Variants in ADAM23 observed in about 807,000 individuals in gnomAD.
ADAM23 encodes ADAM metallopeptidase domain 23.
Under a neutral mutation model 120.1 loss-of-function variants are expected in ADAM23, and 33 were observed. That is an observed-to-expected ratio of 0.27 (90% CI 0.21 to 0.37). ADAM23 has a LOEUF of 0.37. ADAM23 is among the 10% of genes least tolerant of loss of function. The pLI is 1.00. For synonymous variants in ADAM23, 367 were observed against 375.2 expected, an observed-to-expected ratio of 0.98 and a Z score of 0.25; for missense variants, 862 against 1,058.2, an observed-to-expected ratio of 0.81 and a Z score of 2.57.
intron 18 of ADAM23, among the ~76,000 whole-genome samples, chr2:206,577,098 C>T (rs1209251896): frequency 2.0e-5 from 3 of 152,092 alleles, no homozygotes; most frequent in Non-Finnish European, 4.4e-5. Flanking sequence ...TATGGTTTTC[C>T]TGTTTTAAAT....
chr2:206,524,843 A>G (rs1241517246), intron 3 of ADAM23, among the ~76,000 whole-genome samples: 1 of 152,214 alleles, frequency 6.6e-6, no homozygotes, highest in Admixed American at 6.5e-5. Context: ...GCCAAACTGT[A>G]TCAGTGGCCA....
intron 24 of ADAM23, among the ~76,000 whole-genome samples, chr2:206,599,976 C>T (rs996896892): frequency 1.4e-4 from 22 of 152,198 alleles, no homozygotes; most frequent in East Asian, 5.8e-4. Context: ...CCAAGGCGGG[C>T]GGATCACAAG....
chr2:206,522,245 CT>C (rs1351307105), intron 3 of ADAM23, among the ~76,000 whole-genome samples: 2 of 151,826 alleles, frequency 1.3e-5, no homozygotes, highest in African/African-American at 2.4e-5. Context: ...ACTTTTCCCC[CT>C]AGATTATTTT....
chr2:206,464,313 G>A (rs1474614933), intron 2 of ADAM23, among the ~76,000 whole-genome samples: 4 of 152,116 alleles, frequency 2.6e-5, no homozygotes, highest in East Asian at 3.9e-4. Flanking sequence ...GGTGGCTGAC[G>A]CCTGTAATCC....
At chr2:206,477,880 TAAAAA>T (rs71034456) in intron 2 of ADAM23, among the ~76,000 whole-genome samples, 30 of 109,154 alleles carry the variant, frequency 2.7e-4, no homozygotes, top group South Asian at 5.8e-4. Flanking sequence ...AATATTCTGT[TAAAAA>T]AAAAAAAAAA....
At position 206,592,804 on chromosome 2, in the gene ADAM23, A is replaced by G. The variant is rs966764098; in HGVS notation, c.2078+68A>G. Reference sequence around the variant, plus strand: ...TACAAATTTCACAAAATGAAATTTCAAAAAAATCAGAAATCAAAGATTTTT... The same window carrying G: ...TACAAATTTCACAAAATGAAATTTCGAAAAAATCAGAAATCAAAGATTTTT... On this transcript the variant is annotated intron_variant, in intron 22 of 25. Transcript: ENST00000264377. 5.3e-6 allele frequency: 8 copies of G among 1,520,692 alleles called. No individual in the cohort carries two copies. The Admixed American group carries it at 1.7e-4, about 32-fold the overall frequency. The allele number at this position is 1,520,692 out of a possible 1,614,324, so 94.2% of individuals were successfully genotyped here.
intron 2 of ADAM23, among the ~76,000 whole-genome samples, chr2:206,462,022 G>A (rs1007320926): frequency 6.6e-6 from 1 of 152,186 alleles, no homozygotes; most frequent in East Asian, 1.9e-4. Context: ...GCTGTTGGGG[G>A]GATCACACTG....
At chr2:206,552,122 T>C (rs536840272) in intron 9 of ADAM23, among the ~76,000 whole-genome samples, 1 of 152,328 alleles carries the variant, frequency 6.6e-6, no homozygotes, top group South Asian at 2.1e-4. Flanking sequence ...TGTGAAATTA[T>C]GGCTTTTGAA....
intron 2 of ADAM23, among the ~76,000 whole-genome samples, chr2:206,463,244 G>T (rs1437121833): frequency 1.3e-5 from 2 of 152,162 alleles, no homozygotes; most frequent in South Asian, 2.1e-4. Flanking sequence ...GGATTATCTG[G>T]GTGGGCCCAG....
chr2:206,513,452 C>G (rs928351998), intron 3 of ADAM23, among the ~76,000 whole-genome samples: 1 of 152,114 alleles, frequency 6.6e-6, no homozygotes, highest in Admixed American at 6.6e-5. Context: ...TATCTCCCCT[C>G]AATTTTATGA....
chr2:206,467,638 G>GT (rs1337374201), intron 2 of ADAM23, among the ~76,000 whole-genome samples: 2 of 152,180 alleles, frequency 1.3e-5, no homozygotes. Flanking sequence ...GCAAGCTGCT[G>GT]GTGGATGTAC....
intron 18 of ADAM23, among the ~76,000 whole-genome samples, chr2:206,573,428 A>G (rs935321350): frequency 6.6e-6 from 1 of 152,172 alleles, no homozygotes; most frequent in African/African-American, 2.4e-5. Context: ...GTAATATTTT[A>G]AGTAATTTTG....
chr2:206,536,952 C>T (rs1320194079), intron 4 of ADAM23, among the ~76,000 whole-genome samples: 1 of 151,938 alleles, frequency 6.6e-6, no homozygotes, highest in Non-Finnish European at 1.5e-5. Context: ...GTGATCCACC[C>T]ACCTCAGCCT....
chr2:206,480,493 A>G (rs2105877393), intron 2 of ADAM23, among the ~76,000 whole-genome samples: 1 of 151,538 alleles, frequency 6.6e-6, no homozygotes, highest in African/African-American at 2.4e-5. Context: ...AGTGTGACAA[A>G]GGAGAGTTTT....
intron 24 of ADAM23, among the ~76,000 whole-genome samples, chr2:206,607,504 A>G (rs532432027): frequency 1.3e-5 from 2 of 152,322 alleles, no homozygotes; most frequent in African/African-American, 4.8e-5. Context: ...AATTTTAATA[A>G]TCCTTCCTTG....
chr2:206,490,724 T>C (rs1406565711), intron 3 of ADAM23, among the ~76,000 whole-genome samples: 1 of 152,184 alleles, frequency 6.6e-6, no homozygotes, highest in African/African-American at 2.4e-5. Flanking sequence ...CACCCTTTCC[T>C]GTCTGCTTCT....
intron 2 of ADAM23, among the ~76,000 whole-genome samples, chr2:206,465,832 G>A (rs1695532123): frequency 6.6e-6 from 1 of 152,138 alleles, no homozygotes. Context: ...ATGTAGGAAT[G>A]AAGTGATTTA....
rs1162297985 is a variant in ADAM23 at position 206,617,960 on chromosome 2, A to C, written c.*333A>C. ...ATGCAATAAAGGAATCATTAAAAAA[A>C]ATAGTAAATGATTTTTTTTCCCTCA... On this transcript the variant is annotated 3_prime_UTR_variant, in exon 26 of 26. Transcript: ENST00000264377. 4.3e-6 allele frequency: 1 copy of C among 231,752 alleles called. No individual in the cohort carries two copies. The highest frequency in any genetic ancestry group is 8.2e-6 in the Non-Finnish European group (1 of 121,356). The allele number at this position is 231,752 out of a possible 1,614,324, so 14.4% of individuals were successfully genotyped here.
At position 206,597,178 on chromosome 2, in the gene ADAM23, C is replaced by CTT. The variant is rs1173847537; in HGVS notation, c.2359+1034_2359+1035dup. On this transcript the variant is annotated intron_variant, in intron 24 of 25. Transcript: ENST00000264377. ...ACTGCACCCGCCCCTCTTACATCAT[C>CTT]TTTTTTTTTTTTTTTTTTTGAGACA... 5.1e-3 allele frequency among the ~76,000 whole-genome samples: 644 copies of CTT among 126,112 alleles called. 16 individuals are homozygous for CTT. The highest frequency in any genetic ancestry group is 0.017 in the African/African-American group (584 of 33,512). The allele number at this position is 126,112 out of a possible 152,430, so 82.7% of individuals were successfully genotyped here.
Sources: gnomAD v4.1 joint callset for allele counts (sites outside exome capture counted in the v4.1 genomes callset) on GRCh38, gnomAD v4.1.1 for gene constraint, MANE v1.5 for transcripts, NCBI Gene and HGNC (gene_info 2026-07-23, HGNC 2026-07-21) for gene names.